The following MBD5 variants were observed in gnomAD, a reference collection of about 807,000 sequenced individuals.
The protein encoded by MBD5 is methyl-CpG-binding domain protein 5.
MBD5 carries 13 observed loss-of-function variants against 117.3 expected under a neutral mutation model. That is an observed-to-expected ratio of 0.11 (90% CI 0.07 to 0.18). The LOEUF (loss-of-function observed/expected upper bound fraction) is 0.18, where lower values mean the gene tolerates loss of function less well. Among genes scored for constraint, MBD5 ranks in the 10% least tolerant of loss-of-function variants. The probability of loss-of-function intolerance (pLI) is 1.00; values close to 1 mark genes in which losing one functional copy is unlikely to be tolerated. For synonymous variants in MBD5, 727 were observed against 766.4 expected (o/e 0.95, Z 0.85); for missense variants, 1,879 against 2,093.8 (o/e 0.90, Z 2.00).
intron 3 of MBD5, among the ~76,000 whole-genome samples, chr2:148,294,368 G>C (rs372983668): frequency 7.1e-6 from 1 of 140,770 alleles, no homozygotes; most frequent in Non-Finnish European, 1.5e-5. Flanking sequence ...GGGACTACAG[G>C]TGCCCGCCAC....
intron 3 of MBD5, among the ~76,000 whole-genome samples, chr2:148,233,623 G>T (rs1403519992): frequency 6.6e-6 from 1 of 151,910 alleles, no homozygotes; most frequent in East Asian, 1.9e-4. Flanking sequence ...ATAGAATAAG[G>T]CTATCTTAAA....
intron 1 of MBD5, among the ~76,000 whole-genome samples, chr2:148,035,736 A>G (rs1367566257): frequency 2.6e-5 from 4 of 152,212 alleles, no homozygotes; most frequent in Non-Finnish European, 5.9e-5. Context: ...GTCTGGATTC[A>G]AATCCCTGCT....
chr2:148,288,769 AC>A (rs1701430144), intron 3 of MBD5, among the ~76,000 whole-genome samples: 1 of 152,158 alleles, frequency 6.6e-6, no homozygotes, highest in African/African-American at 2.4e-5. Flanking sequence ...GGAAAAAAAA[AC>A]AGTAATCTAA....
intron 11 of MBD5, 161 bp from the exon 12 acceptor site, chr2:148,502,275 C>T: frequency 2.9e-6 from 2 of 693,832 alleles, no homozygotes; most frequent in Non-Finnish European, 5.3e-6. Context: ...ACAGAATCAA[C>T]CTCTAATGAT....
intron 3 of MBD5, among the ~76,000 whole-genome samples, chr2:148,294,562 G>A (rs1416415815): frequency 7.2e-5 from 10 of 139,138 alleles, no homozygotes; most frequent in East Asian, 2.0e-4. Context: ...GAGTGCAGCC[G>A]TGCGATCTCA....
At chr2:148,154,920 C>A (rs933568369) in intron 1 of MBD5, among the ~76,000 whole-genome samples, 1 of 152,196 alleles carries the variant, frequency 6.6e-6, no homozygotes, top group South Asian at 2.1e-4. Context: ...GAGCTGTAGA[C>A]AGGAGCTATT....
intron 4 of MBD5, among the ~76,000 whole-genome samples, chr2:148,410,748 C>T (rs771177420): frequency 1.3e-5 from 2 of 152,162 alleles, no homozygotes; most frequent in African/African-American, 2.4e-5. Context: ...CTGCACCTGG[C>T]CAGGATATTA....
intron 11 of MBD5, among the ~76,000 whole-genome samples, chr2:148,492,571 A>C (rs1036321283): frequency 3.3e-5 from 5 of 152,088 alleles, no homozygotes; most frequent in Non-Finnish European, 7.4e-5. Flanking sequence ...AGAAGTGCTA[A>C]GGACTCAGCA....
chr2:148,049,463 C>G (rs534404460), intron 1 of MBD5, among the ~76,000 whole-genome samples: 2 of 152,256 alleles, frequency 1.3e-5, no homozygotes, highest in African/African-American at 2.4e-5. Context: ...GGAAAAATAA[C>G]TGAAATTTGT....
chr2:148,069,552 G>A (rs1251861624), intron 1 of MBD5, among the ~76,000 whole-genome samples: 14 of 151,766 alleles, frequency 9.2e-5, no homozygotes, highest in Admixed American at 9.2e-4. Flanking sequence ...ACTGTATTTA[G>A]AAGCTATGTC....
At chr2:148,173,827 AT>A (rs1361388023) in intron 1 of MBD5, among the ~76,000 whole-genome samples, 1 of 152,256 alleles carries the variant, frequency 6.6e-6, no homozygotes, top group Non-Finnish European at 1.5e-5. Context: ...ATGTTTATGC[AT>A]TGAAGAAACT....
chr2:148,311,281 A>G (rs1351128442), intron 3 of MBD5, among the ~76,000 whole-genome samples: 1 of 152,184 alleles, frequency 6.6e-6, no homozygotes, highest in Non-Finnish European at 1.5e-5. Context: ...GTGGGAGTCT[A>G]AGTCTCTTTG....
chr2:148,162,430 G>T (rs1349949072), intron 1 of MBD5, among the ~76,000 whole-genome samples: 2 of 152,094 alleles, frequency 1.3e-5, no homozygotes, highest in Non-Finnish European at 2.9e-5. Flanking sequence ...TCACATTTAG[G>T]CTGATGTTAA....
chr2:148,092,077 T>C (rs1695959080), intron 1 of MBD5, among the ~76,000 whole-genome samples: 1 of 152,118 alleles, frequency 6.6e-6, no homozygotes. Context: ...TCACTTATTA[T>C]CAGGTAAATA....
At chr2:148,127,411 A>G (rs1000080271) in intron 1 of MBD5, among the ~76,000 whole-genome samples, 1 of 152,110 alleles carries the variant, frequency 6.6e-6, no homozygotes, top group African/African-American at 2.4e-5. Flanking sequence ...GACAGGCCCC[A>G]GTATGTATTC....
At chr2:148,176,856 C>T (rs1458594726) in intron 1 of MBD5, among the ~76,000 whole-genome samples, 1 of 148,750 alleles carries the variant, frequency 6.7e-6, no homozygotes, top group Non-Finnish European at 1.5e-5. Flanking sequence ...CCCAGCCTGC[C>T]ACCCCCACTA....
At chr2:148,399,882 G>A (rs190240210) in intron 4 of MBD5, among the ~76,000 whole-genome samples, 246 of 152,098 alleles carry the variant, frequency 1.6e-3, no homozygotes, top group Non-Finnish European at 2.8e-3. Flanking sequence ...GAATTTTGTC[G>A]AAGGCCTTTT....
chr2:148,389,129 T>G (rs138401900), intron 4 of MBD5, among the ~76,000 whole-genome samples: 1 of 149,828 alleles, frequency 6.7e-6, no homozygotes, highest in African/African-American at 2.4e-5. Context: ...TCCTGCTCCA[T>G]CCATGTTGCT....
At chr2:148,062,122 T>C (rs1327363467) in intron 1 of MBD5, 2 of 151,810 alleles carry the variant, frequency 1.3e-5, no homozygotes, top group South Asian at 2.1e-4. Context: ...AGAATTATTA[T>C]AGAATTGCTC....
Sources: gnomAD v4.1 joint callset for allele counts (sites outside exome capture counted in the v4.1 genomes callset) on GRCh38, gnomAD v4.1.1 for gene constraint, MANE v1.5 for transcripts, NCBI Gene and HGNC (gene_info 2026-07-23, HGNC 2026-07-21) for gene names.